Variants in GRIP1 observed in about 807,000 individuals in gnomAD.
GRIP1 encodes the protein glutamate receptor interacting protein 1.
In GRIP1, 45 loss-of-function variants were observed where a neutral mutation model predicts 129.9. The ratio of observed to expected loss-of-function variants is 0.35; its 90% CI spans 0.27 to 0.44. The LOEUF is 0.44. GRIP1 is among the 20% of genes least tolerant of loss of function. The probability of loss-of-function intolerance (pLI) is 1.00; values close to 1 mark genes in which losing one functional copy is unlikely to be tolerated. For missense variants in GRIP1, 1,196 were observed against 1,396.8 expected (o/e 0.86, Z 2.29); for synonymous variants, 530 against 520.8 (o/e 1.02, Z -0.24).
chr12:66,442,018 T>C (rs1298552760), intron 13 of GRIP1, among the ~76,000 whole-genome samples: 1 of 152,218 alleles, frequency 6.6e-6, no homozygotes, highest in African/African-American at 2.4e-5. Context: ...GCCACTATCA[T>C]GCCTTACGTG....
intron 1 of GRIP1, among the ~76,000 whole-genome samples, chr12:67,016,122 GCA>G (rs2042782325): frequency 6.6e-6 from 1 of 152,200 alleles, no homozygotes; most frequent in African/African-American, 2.4e-5. Flanking sequence ...TGCTTAAGAT[GCA>G]CTGACACTGT....
intron 1 of GRIP1, among the ~76,000 whole-genome samples, chr12:66,847,555 C>T (rs1304286578): frequency 6.6e-6 from 1 of 152,090 alleles, no homozygotes; most frequent in Non-Finnish European, 1.5e-5. Flanking sequence ...CTATCCATTA[C>T]ACATATAGTA....
At chr12:67,021,333 C>T (rs747854115) in intron 1 of GRIP1, among the ~76,000 whole-genome samples, 31 of 152,074 alleles carry the variant, frequency 2.0e-4, no homozygotes, top group Non-Finnish European at 3.5e-4. Context: ...GATCTGTTTG[C>T]ATTTCTTGAA....
At chr12:66,639,421 C>T (rs992426745) in intron 1 of GRIP1, among the ~76,000 whole-genome samples, 2 of 152,098 alleles carry the variant, frequency 1.3e-5, no homozygotes, top group African/African-American at 4.8e-5. Context: ...TGTGAAAGCA[C>T]ACAGCATAGA....
intron 15 of GRIP1, among the ~76,000 whole-genome samples, chr12:66,414,809 G>T (rs77833495): frequency 6.6e-6 from 1 of 151,854 alleles, no homozygotes; most frequent in Non-Finnish European, 1.5e-5. Context: ...ATAACCATCT[G>T]ATCATCAAGA....
At chr12:66,692,177 G>A (rs2035005000) in intron 1 of GRIP1, among the ~76,000 whole-genome samples, 12 of 152,194 alleles carry the variant, frequency 7.9e-5, no homozygotes, top group Admixed American at 5.9e-4. Context: ...ATCACTGCAT[G>A]CTCCCATGTC....
At chr12:66,527,527 G>C (rs546308908) in intron 5 of GRIP1, among the ~76,000 whole-genome samples, 13 of 151,980 alleles carry the variant, frequency 8.6e-5, no homozygotes, top group Non-Finnish European at 1.5e-4. Flanking sequence ...AGTGTTGTGG[G>C]GTGTGGGGAT....
intron 1 of GRIP1, chr12:67,068,980 G>T (rs913129076): frequency 1.0e-4 from 73 of 720,738 alleles, no homozygotes; most frequent in Non-Finnish European, 1.2e-4. Context: ...GGGAGCCGGG[G>T]AGAGGGAGGC....
At chr12:66,471,341 AG>A (rs2059433916) in intron 7 of GRIP1, among the ~76,000 whole-genome samples, 1 of 152,186 alleles carries the variant, frequency 6.6e-6, no homozygotes, top group Non-Finnish European at 1.5e-5. Flanking sequence ...GTAAATCCAT[AG>A]GTACAGAAAG....
At chr12:66,913,986 T>C (rs1328496240) in intron 1 of GRIP1, among the ~76,000 whole-genome samples, 1 of 152,196 alleles carries the variant, frequency 6.6e-6, no homozygotes, top group Non-Finnish European at 1.5e-5. Context: ...CCATGTGTAA[T>C]AGTATACTCT....
At chr12:66,589,099 G>C (rs11176295) in intron 2 of GRIP1, among the ~76,000 whole-genome samples, 2,576 of 152,116 alleles carry the variant, frequency 0.017, 69 homozygotes, top group African/African-American at 0.059. Flanking sequence ...AGGAAGAAAT[G>C]AGATGATATT....
At chr12:66,737,346 C>T (rs915384644) in intron 1 of GRIP1, among the ~76,000 whole-genome samples, 5 of 152,050 alleles carry the variant, frequency 3.3e-5, no homozygotes, top group African/African-American at 7.3e-5. Context: ...TGCAGTGGCG[C>T]GATCTCAGCT....
At position 66,636,715 on chromosome 12, in the gene GRIP1, CTGTGTGTGTGTG is replaced by C. The variant is rs113361426; in HGVS notation, c.56-39800_56-39789del. 4.3e-3 allele frequency among the ~76,000 whole-genome samples: 628 copies of C among 145,198 alleles called. 1 individual carries two copies. Among genetic ancestry groups the C allele is most frequent in the Non-Finnish European group, 7.2e-3 (478 of 66,388 alleles). On this transcript the variant is annotated intron_variant, in intron 1 of 24. Transcript: ENST00000359742. Reference sequence around the variant, plus strand: ...TAAAACAGGGGGAGACATTAGATCTCTGTGTGTGTGTGTGTGTGTGTGTGTGTGTGTGTGTGT... The same window carrying C: ...TAAAACAGGGGGAGACATTAGATCTCTGTGTGTGTGTGTGTGTGTGTGTGT...
At chr12:66,896,796 C>T (rs924818981) in intron 1 of GRIP1, among the ~76,000 whole-genome samples, 22 of 152,278 alleles carry the variant, frequency 1.4e-4, no homozygotes, top group Admixed American at 1.1e-3. Flanking sequence ...ATTCTGTATT[C>T]GAAGTTAAGT....
In GRIP1 at chr12:66,866,389, C is replaced by T. The variant is rs948661161; in HGVS notation, c.58+202661G>A. Among the ~76,000 whole-genome samples the T allele has an allele frequency of 7.2e-5, 11 of 152,318 alleles. 1 individual carries two copies. In the South Asian group the frequency reaches 1.2e-3, roughly 17 times the overall value. ...TTGGGAGGCTAAGGCAAGAGAATCA[C>T]TTGAGCCCAGAAGTTCAAGACTGCG... On this transcript the variant is annotated intron_variant, in intron 1 of 1. Coordinates refer to the GRIP1 transcript ENST00000643019.
At chr12:66,661,697 C>T (rs1484641947) in intron 1 of GRIP1, among the ~76,000 whole-genome samples, 1 of 152,044 alleles carries the variant, frequency 6.6e-6, no homozygotes, top group Non-Finnish European at 1.5e-5. Flanking sequence ...TTCGTTTTCT[C>T]AAGCAAATAT....
intron 1 of GRIP1, among the ~76,000 whole-genome samples, chr12:66,665,786 T>C (rs1482174887): frequency 6.6e-6 from 1 of 152,186 alleles, no homozygotes; most frequent in Non-Finnish European, 1.5e-5. Flanking sequence ...GGTATAAAAC[T>C]AGGAGTGGGA....
chr12:66,683,319 C>A (rs1377130080), upstream of GRIP1, among the ~76,000 whole-genome samples: 1 of 151,954 alleles, frequency 6.6e-6, no homozygotes, highest in Admixed American at 6.6e-5. Flanking sequence ...ACTAGTGTGT[C>A]AACATGAGAC....
chr12:66,953,203 G>T (rs1214320700), intron 1 of GRIP1, among the ~76,000 whole-genome samples: 2 of 152,176 alleles, frequency 1.3e-5, no homozygotes, highest in African/African-American at 4.8e-5. Flanking sequence ...TCTACCATTT[G>T]TCACAAGTGT....
Sources: gnomAD v4.1 joint callset for allele counts (sites outside exome capture counted in the v4.1 genomes callset) on GRCh38, gnomAD v4.1.1 for gene constraint, MANE v1.5 for transcripts, NCBI Gene and HGNC (gene_info 2026-07-23, HGNC 2026-07-21) for gene names.